AK9: variants seen among roughly 807,000 people sequenced by gnomAD.
AK9 encodes adenylate kinase domain containing 1.
A neutral mutation model predicts 239.6 loss-of-function variants in AK9; 191 were observed. That is an observed-to-expected ratio of 0.80 (90% CI 0.71 to 0.90). The LOEUF (loss-of-function observed/expected upper bound fraction) is 0.90, where lower values mean the gene tolerates loss of function less well. Ranked by LOEUF, AK9 falls within the 40% of genes least tolerant of loss-of-function variation. The pLI, the probability that AK9 is intolerant of heterozygous loss-of-function variation, is 0.00. For synonymous variants in AK9, 689 were observed against 721.0 expected, an observed-to-expected ratio of 0.96 and a Z score of 0.71; for missense variants, 1,995 against 2,214.7, an observed-to-expected ratio of 0.90 and a Z score of 1.99.
intron 24 of AK9, among the ~76,000 whole-genome samples, chr6:109,557,126 A>G (rs183507154): frequency 6.6e-6 from 1 of 152,046 alleles, no homozygotes; most frequent in African/African-American, 2.4e-5. Flanking sequence ...GAGTTTGTCA[A>G]GTTTCAGTCT....
At chr6:109,617,786 G>A (rs558685474) in intron 13 of AK9, among the ~76,000 whole-genome samples, 61 of 152,202 alleles carry the variant, frequency 4.0e-4, no homozygotes, top group South Asian at 2.3e-3. Flanking sequence ...AATGGTTCTC[G>A]TTCTAAGTAT....
At chr6:109,538,759 T>G (rs1782396607) in intron 27 of AK9, among the ~76,000 whole-genome samples, 1 of 152,176 alleles carries the variant, frequency 6.6e-6, no homozygotes, top group East Asian at 1.9e-4. Flanking sequence ...TTCCTTTCCA[T>G]GTTTAGTGCT....
In AK9 at chr6:109,497,362, A is replaced by ACACT. The variant is rs1554230922; in HGVS notation, c.5315+102_5315+103insAGTG. ...CACACACACACACACACACACACAC[A>ACACT]CTCTCTCTCTCTCTCTCTCTCTCAC... On this transcript the variant is annotated intron_variant, in intron 38 of 40. Coordinates refer to ENST00000424296, the MANE Select transcript of AK9 (RefSeq NM_001145128.3). 9.8e-4 allele frequency: 488 copies of ACACT among 499,904 alleles called. 5 individuals carry two copies. The highest frequency in any genetic ancestry group is 8.6e-3 in the African/African-American group (320 of 37,000). 31.0% of individuals were successfully genotyped at this position (499,904 alleles called of 1,614,324 possible).
intron 32 of AK9, among the ~76,000 whole-genome samples, chr6:109,511,125 G>A (rs576851922): frequency 4.7e-5 from 7 of 150,108 alleles, no homozygotes; most frequent in African/African-American, 1.7e-4. Context: ...GCATGAGGTG[G>A]CAAAATTTTT....
At chr6:109,602,914 C>G (rs1792242119) in intron 17 of AK9, among the ~76,000 whole-genome samples, 1 of 152,316 alleles carries the variant, frequency 6.6e-6, no homozygotes, top group South Asian at 2.1e-4. Flanking sequence ...CCATGGTTTT[C>G]AGCTCCATCA....
chr6:109,614,447 T>A lies in AK9; in HGVS notation c.1433A>T (p.Tyr478Phe), dbSNP rs1793927711. 1 of 1,551,354 alleles carries A rather than the reference T, an allele frequency of 6.4e-7. No homozygotes were observed. The highest frequency in any genetic ancestry group is 2.4e-5 in the East Asian group (1 of 40,898). Residue 478 changes from tyrosine to phenylalanine, a missense_variant, in exon 14 of 41, where the codon TAT (tyrosine) becomes TTT (phenylalanine). Physicochemically the swap from Tyr to Phe is conservative, Grantham distance 22. This residue lies in a region of AK9 where 1,290 missense variants were observed against 1,392.7 expected (regional missense o/e 0.93). Coordinates refer to ENST00000424296, the MANE Select transcript of AK9 (RefSeq NM_001145128.3). The stretch of plus-strand genomic sequence containing the variant: ...GAATACTCCAAACTCCATTTTTTCA[T>A]ATTGCCTTTGAAATTCTCTTAAAGC... ...ETALREFQRQ[Y>F]EKMEFGVFPM...
intron 29 of AK9, 184 bp downstream of exon 29, chr6:109,528,827 G>A: frequency 9.7e-7 from 1 of 1,026,458 alleles, no homozygotes; most frequent in Non-Finnish European, 1.4e-6. Context: ...AGTGTCTTAA[G>A]CCAGAAGGCA....
At chr6:109,649,565 C>CTGCTCAATGAAATAAAAG (rs1798604245) in intron 8 of AK9, among the ~76,000 whole-genome samples, 1 of 152,144 alleles carries the variant, frequency 6.6e-6, no homozygotes, top group Non-Finnish European at 1.5e-5. Context: ...CTACAAACCA[C>CTGCTCAATGAAATAAAAG]TGCTCAATGA....
At chr6:109,499,322 T>C in intron 35 of AK9, 82 bp from the exon 36 acceptor site, 1 of 1,129,302 alleles carries the variant, frequency 8.9e-7, no homozygotes. Flanking sequence ...ATAATTTTAA[T>C]TACACAGCAC....
At chr6:109,498,157 T>G (rs183461988) in intron 36 of AK9, among the ~76,000 whole-genome samples, 192 bp from the exon 37 acceptor site, 8 of 152,144 alleles carry the variant, frequency 5.3e-5, no homozygotes, top group African/African-American at 1.9e-4. Context: ...CATCCAAGAT[T>G]TATCCTCATC....
intron 38 of AK9, 145 bp downstream of exon 38, chr6:109,497,320 G>A: frequency 1.6e-6 from 1 of 628,918 alleles, no homozygotes; most frequent in Non-Finnish European, 2.8e-6. Flanking sequence ...AGGGACCAGT[G>A]CTTGTTCACA....
chr6:109,543,691 G>T (rs1314949042), intron 26 of AK9, among the ~76,000 whole-genome samples: 1 of 152,040 alleles, frequency 6.6e-6, no homozygotes, highest in Non-Finnish European at 1.5e-5. Flanking sequence ...CAAGTGATCT[G>T]CCTGCCTCCA....
chr6:109,655,999 G>C (rs1252705722), intron 8 of AK9, among the ~76,000 whole-genome samples: 1 of 152,202 alleles, frequency 6.6e-6, no homozygotes, highest in Non-Finnish European at 1.5e-5. Context: ...AACACTGTGA[G>C]ACAGCATGAA....
At chr6:109,531,909 C>G (rs546805914) in intron 28 of AK9, among the ~76,000 whole-genome samples, 1 of 152,248 alleles carries the variant, frequency 6.6e-6, no homozygotes, top group Admixed American at 6.5e-5. Flanking sequence ...CTGTGCAGAC[C>G]AGTGATGGCC....
At chr6:109,520,905 C>T (rs1039530603) in intron 29 of AK9, among the ~76,000 whole-genome samples, 1 of 151,952 alleles carries the variant, frequency 6.6e-6, no homozygotes, top group African/African-American at 2.4e-5. Context: ...TGGCTCTAAG[C>T]TTAAATGTTA....
At chr6:109,689,672 G>T (rs1018158275) in intron 1 of AK9, among the ~76,000 whole-genome samples, 14 of 152,282 alleles carry the variant, frequency 9.2e-5, no homozygotes, top group African/African-American at 3.1e-4. Context: ...CCCTGCTGCT[G>T]TTTCCTGGGA....
rs770629436 is a variant in AK9, at chr6:109,497,496, C to T, written c.5284G>A (p.Glu1762Lys). The T allele has an allele frequency of 8.7e-6, 14 of 1,605,718 alleles. No individual in the cohort carries two copies. Among genetic ancestry groups the T allele is most frequent in the Non-Finnish European group, 1.2e-5 (14 of 1,172,802 alleles). Reference protein sequence around the residue: ...LEYHNRIYICENKEKLQKFLR... With the variant: ...LEYHNRIYICKNKEKLQKFLR... ...AATTTCTGGAGTTTTTCTTTGTTCTCACAAATATATATACGATTATGATAT... is the reference window on the plus strand; with the variant it reads ...AATTTCTGGAGTTTTTCTTTGTTCTTACAAATATATATACGATTATGATAT... Residue 1762 changes from glutamate (E) to lysine (K), a missense_variant, in exon 38 of 41, where the codon GAG (glutamate) becomes AAG (lysine). Glu to Lys is a moderately conservative substitution (Grantham distance 56). Around this residue, in one of 5 missense-constraint regions of AK9, gnomAD observed 391 missense variants for 456.0 expected, o/e 0.86. Transcript: ENST00000424296.
chr6:109,640,196 C>T (rs1797226915), intron 10 of AK9, among the ~76,000 whole-genome samples: 1 of 152,156 alleles, frequency 6.6e-6, no homozygotes. Flanking sequence ...GACTGCTGTG[C>T]TAGCAGTGAG....
intron 29 of AK9, among the ~76,000 whole-genome samples, chr6:109,524,003 A>G (rs1400618065): frequency 6.6e-6 from 1 of 152,182 alleles, no homozygotes; most frequent in Non-Finnish European, 1.5e-5. Flanking sequence ...AAGAATTATG[A>G]AAATTTGACC....
Sources: gnomAD v4.1 joint callset for allele counts (sites outside exome capture counted in the v4.1 genomes callset) on GRCh38, gnomAD v4.1.1 for gene constraint, gnomAD v4.1.1 regional missense constraint, MANE v1.5 for transcripts, NCBI Gene and HGNC (gene_info 2026-07-23, HGNC 2026-07-21) for gene names.